The following NIM1K variants were observed in gnomAD, a reference collection of about 807,000 sequenced individuals.
The protein encoded by NIM1K is serine/threonine-protein kinase NIM1.
NIM1K carries 35 observed loss-of-function variants against 37.1 expected under a neutral mutation model. The ratio of observed to expected loss-of-function variants is 0.94; its 90% CI spans 0.72 to 1.25. The LOEUF is 1.25. NIM1K is among the 50% of genes most tolerant of loss of function. The probability of loss-of-function intolerance (pLI) is 0.00; values close to 1 mark genes in which losing one functional copy is unlikely to be tolerated. For synonymous variants in NIM1K, 234 were observed against 206.6 expected (o/e 1.13, Z -1.14); for missense variants, 564 against 548.0 (o/e 1.03, Z -0.29).
At chr5:43,264,609 G>A (rs1479151667) in intron 2 of NIM1K, among the ~76,000 whole-genome samples, 1 of 152,160 alleles carries the variant, frequency 6.6e-6, no homozygotes, top group African/African-American at 2.4e-5. Flanking sequence ...GGAGGATTTA[G>A]CCTATTTACA....
At chr5:43,277,403 T>C in intron 3 of NIM1K, 78 bp downstream of exon 3, 2 of 1,471,620 alleles carry the variant, frequency 1.4e-6, no homozygotes, top group Non-Finnish European at 1.8e-6. Context: ...TTACTAACCC[T>C]CAAGTGTCCC....
chr5:43,270,613 A>T (rs892017164), intron 2 of NIM1K, among the ~76,000 whole-genome samples: 4 of 152,242 alleles, frequency 2.6e-5, no homozygotes, highest in African/African-American at 9.6e-5. Flanking sequence ...GGTTTATTGG[A>T]CTAGGGAAAG....
intron 1 of NIM1K, among the ~76,000 whole-genome samples, chr5:43,206,499 CAAAA>C (rs11286972): frequency 3.0e-3 from 251 of 83,408 alleles, no homozygotes; most frequent in African/African-American, 0.011. Flanking sequence ...GACCCTGCCT[CAAAA>C]AAAAAAAAAA....
Position 43,200,444 on chromosome 5 carries a change from G to A in NIM1K, c.-695+8033G>A, listed in dbSNP as rs1321448920. On this transcript the variant is annotated intron_variant, in intron 1 of 3. Coordinates refer to ENST00000326035, the MANE Select transcript of NIM1K (RefSeq NM_153361.4). ...GCCTCCCGAGTAGCTAGGACTACAGGTGCCCGCCTCCATGCCCGGCTACTT... is the reference window on the plus strand; with the variant it reads ...GCCTCCCGAGTAGCTAGGACTACAGATGCCCGCCTCCATGCCCGGCTACTT... Among the ~76,000 whole-genome samples the A allele has an allele frequency of 3.3e-5, 5 of 152,114 alleles. 1 individual carries two copies. The highest frequency in any genetic ancestry group is 3.3e-4 in the Admixed American group (5 of 15,276).
At chr5:43,254,404 T>A (rs1196130111) in intron 2 of NIM1K, among the ~76,000 whole-genome samples, 1 of 152,190 alleles carries the variant, frequency 6.6e-6, no homozygotes, top group East Asian at 1.9e-4. Flanking sequence ...GTATGATACA[T>A]AAAGATTTGA....
At chr5:43,213,268 T>TTTTC (rs1561074974) in intron 1 of NIM1K, among the ~76,000 whole-genome samples, 1 of 148,588 alleles carries the variant, frequency 6.7e-6, no homozygotes, top group African/African-American at 2.5e-5. Flanking sequence ...TTCTTGTTTC[T>TTTTC]TTTTCTTTCT....
In NIM1K at chr5:43,232,799, G is replaced by A. The variant is rs967582140; in HGVS notation, c.-694-12283G>A. On this transcript the variant is annotated intron_variant, in intron 1 of 3. Coordinates refer to ENST00000326035, the MANE Select transcript of NIM1K (RefSeq NM_153361.4). ...TGGCGATCCATGCACTGTTCAGCCA[G>A]TTTACAAATTTGGTCCAAAACGAGG... 10 of 1,076,874 alleles carry A rather than the reference G, an allele frequency of 9.3e-6. No homozygotes were observed. The African/African-American group carries it at 1.2e-4, about 13-fold the overall frequency. 66.7% of individuals were successfully genotyped at this position (1,076,874 alleles called of 1,614,324 possible).
chr5:43,259,744 G>A (rs567097218), intron 2 of NIM1K, among the ~76,000 whole-genome samples: 2 of 152,164 alleles, frequency 1.3e-5, no homozygotes, highest in African/African-American at 4.8e-5. Context: ...TTGCCTGTTT[G>A]CTTTGATGAT....
At chr5:43,207,513 A>C (rs1752134974) in intron 1 of NIM1K, 7 of 722,916 alleles carry the variant, frequency 9.7e-6, no homozygotes, top group South Asian at 1.3e-5. Context: ...GTGATTAATG[A>C]TTTAACAGCT....
intron 1 of NIM1K, among the ~76,000 whole-genome samples, chr5:43,231,087 G>T (rs1254331162): frequency 1.3e-5 from 2 of 152,216 alleles, no homozygotes; most frequent in African/African-American, 4.8e-5. Context: ...AGAGGCTGAG[G>T]CTGGGGGATC....
intron 2 of NIM1K, among the ~76,000 whole-genome samples, chr5:43,262,980 A>G (rs1753058317): frequency 6.6e-6 from 1 of 152,194 alleles, no homozygotes; most frequent in African/African-American, 2.4e-5. Context: ...CGTGGTGGAT[A>G]AGCTTTTTGA....
At chr5:43,201,592 T>G (rs979687584) in intron 1 of NIM1K, among the ~76,000 whole-genome samples, 3 of 152,032 alleles carry the variant, frequency 2.0e-5, no homozygotes, top group African/African-American at 7.2e-5. Context: ...AAACAGCCAT[T>G]CATATTTGTG....
At chr5:43,256,666 A>G (rs542416736) in intron 2 of NIM1K, among the ~76,000 whole-genome samples, 1 of 152,276 alleles carries the variant, frequency 6.6e-6, no homozygotes, top group Admixed American at 6.5e-5. Flanking sequence ...GGCTTTCTCT[A>G]GCCATTGGAG....
chr5:43,207,523 TG>T (rs1357002206), intron 1 of NIM1K: 4 of 715,364 alleles, frequency 5.6e-6, no homozygotes, highest in Non-Finnish European at 1.1e-5. Flanking sequence ...ATTTAACAGC[TG>T]TTCCAATCTC....
At chr5:43,258,737 C>T (rs1579984075) in intron 2 of NIM1K, among the ~76,000 whole-genome samples, 1 of 152,154 alleles carries the variant, frequency 6.6e-6, no homozygotes, top group East Asian at 1.9e-4. Flanking sequence ...GCCACTGAGT[C>T]TGGCTCGTAT....
At chr5:43,199,514 A>G (rs1367905731) in intron 1 of NIM1K, among the ~76,000 whole-genome samples, 1 of 151,966 alleles carries the variant, frequency 6.6e-6, no homozygotes. Flanking sequence ...CCTCATATTT[A>G]TCACTTCATG....
At chr5:43,225,129 G>T (rs1343657673) in intron 1 of NIM1K, among the ~76,000 whole-genome samples, 1 of 151,890 alleles carries the variant, frequency 6.6e-6, no homozygotes, top group Non-Finnish European at 1.5e-5. Flanking sequence ...ACAGTGTCAG[G>T]GTTATAGTGG....
chr5:43,223,199 A>G (rs1241470060), intron 1 of NIM1K, among the ~76,000 whole-genome samples: 6 of 151,812 alleles, frequency 4.0e-5, no homozygotes, highest in African/African-American at 4.8e-5. Flanking sequence ...ATAACTATAT[A>G]GCACACAGTG....
At chr5:43,256,610 G>A (rs953230542) in intron 2 of NIM1K, among the ~76,000 whole-genome samples, 1 of 152,158 alleles carries the variant, frequency 6.6e-6, no homozygotes. Context: ...TTCAGTGCTT[G>A]CAGGACTGAC....
Sources: gnomAD v4.1 joint callset for allele counts (sites outside exome capture counted in the v4.1 genomes callset) on GRCh38, gnomAD v4.1.1 for gene constraint, MANE v1.5 for transcripts, NCBI Gene and HGNC (gene_info 2026-07-23, HGNC 2026-07-21) for gene names.